PTPRK: variants seen among roughly 807,000 people sequenced by gnomAD.
PTPRK encodes protein tyrosine phosphatase receptor type K.
A neutral mutation model predicts 178.0 loss-of-function variants in PTPRK; 75 were observed. That is an observed-to-expected ratio of 0.42 (90% CI 0.35 to 0.51). PTPRK has a LOEUF of 0.51. PTPRK is among the 20% of genes least tolerant of loss of function. PTPRK has a pLI of 0.02. For synonymous variants in PTPRK, 637 were observed against 620.6 expected (o/e 1.03, Z -0.39); for missense variants, 1,441 against 1,797.8 (o/e 0.80, Z 3.59).
At chr6:128,342,563 C>CAA (rs879599225) in intron 2 of PTPRK, among the ~76,000 whole-genome samples, 2 of 140,310 alleles carry the variant, frequency 1.4e-5, no homozygotes, top group African/African-American at 2.6e-5. Flanking sequence ...ACAGTTATGA[C>CAA]AAAAAAAAAA....
intron 3 of PTPRK, among the ~76,000 whole-genome samples, chr6:128,280,902 C>T (rs1190899964): frequency 6.6e-6 from 1 of 151,908 alleles, no homozygotes; most frequent in Non-Finnish European, 1.5e-5. Flanking sequence ...TATTTTTATA[C>T]TTTTTGTAGC....
chr6:128,248,928 C>T (rs1583691533), intron 3 of PTPRK, among the ~76,000 whole-genome samples: 2 of 152,238 alleles, frequency 1.3e-5, no homozygotes, highest in East Asian at 1.9e-4. Context: ...TGTGTATACA[C>T]ATGAAAGAAG....
At chr6:128,313,867 G>A (rs1827607006) in intron 3 of PTPRK, among the ~76,000 whole-genome samples, 2 of 152,148 alleles carry the variant, frequency 1.3e-5, no homozygotes, top group Admixed American at 1.3e-4. Context: ...TGGGAAGCAC[G>A]TACAAGATGA....
chr6:128,101,519 A>C (rs543812581), intron 7 of PTPRK, among the ~76,000 whole-genome samples: 104 of 152,146 alleles, frequency 6.8e-4, no homozygotes, highest in African/African-American at 2.5e-3. Flanking sequence ...TCTTTCATTC[A>C]GGTCCTAACT....
intron 7 of PTPRK, among the ~76,000 whole-genome samples, chr6:128,135,886 TAG>T (rs1404851361): frequency 5.3e-5 from 8 of 151,830 alleles, no homozygotes; most frequent in African/African-American, 1.9e-4. Context: ...TAGCATCTGG[TAG>T]AGTTTTAAGA....
chr6:128,303,149 A>G (rs1420323415), intron 3 of PTPRK, among the ~76,000 whole-genome samples: 5 of 152,180 alleles, frequency 3.3e-5, no homozygotes, highest in Admixed American at 2.0e-4. Context: ...TCTGAAATCA[A>G]CTGACTTCAC....
At chr6:128,012,308 C>T (rs1233150811) in intron 13 of PTPRK, among the ~76,000 whole-genome samples, 1 of 150,890 alleles carries the variant, frequency 6.6e-6, no homozygotes, top group African/African-American at 2.4e-5. Flanking sequence ...ACATAAATAT[C>T]CTATTTAAAA....
intron 1 of PTPRK, among the ~76,000 whole-genome samples, chr6:128,488,013 G>A (rs900469148): frequency 6.6e-6 from 1 of 152,148 alleles, no homozygotes; most frequent in Non-Finnish European, 1.5e-5. Flanking sequence ...GTCACAAGGT[G>A]AAGTTCCACA....
At chr6:128,482,107 C>T (rs1031542840) in intron 1 of PTPRK, among the ~76,000 whole-genome samples, 1 of 152,094 alleles carries the variant, frequency 6.6e-6, no homozygotes, top group South Asian at 2.1e-4. Flanking sequence ...GTTTTTAGGA[C>T]TTGCCCCTAG....
At chr6:128,452,893 C>T (rs1021356353) in intron 1 of PTPRK, among the ~76,000 whole-genome samples, 1 of 152,098 alleles carries the variant, frequency 6.6e-6, no homozygotes, top group South Asian at 2.1e-4. Context: ...CTTCCTCTGC[C>T]CAGTCAGCAT....
At chr6:128,269,461 C>G (rs1033911179) in intron 3 of PTPRK, among the ~76,000 whole-genome samples, 1 of 150,994 alleles carries the variant, frequency 6.6e-6, no homozygotes, top group African/African-American at 2.4e-5. Context: ...TCAGGTGAAG[C>G]TGGAGAGGCC....
intron 6 of PTPRK, among the ~76,000 whole-genome samples, chr6:128,203,838 G>A (rs572490988): frequency 8.3e-4 from 126 of 152,200 alleles, no homozygotes; most frequent in African/African-American, 2.8e-3. Flanking sequence ...CATGAAAATG[G>A]CCATACTGCC....
chr6:128,501,435 G>GA (rs1855544160), intron 1 of PTPRK, among the ~76,000 whole-genome samples: 1 of 151,258 alleles, frequency 6.6e-6, no homozygotes, highest in African/African-American at 2.4e-5. Context: ...CATTAAAAGG[G>GA]AAAAAATACA....
chr6:128,462,669 A>G (rs1562571177), intron 1 of PTPRK, among the ~76,000 whole-genome samples: 1 of 139,494 alleles, frequency 7.2e-6, no homozygotes, highest in Non-Finnish European at 1.5e-5. Flanking sequence ...TTATTTATTT[A>G]TTTGAGATGG....
intron 1 of PTPRK, among the ~76,000 whole-genome samples, chr6:128,455,508 A>G (rs1331878668): frequency 2.6e-5 from 4 of 152,132 alleles, no homozygotes; most frequent in Non-Finnish European, 4.4e-5. Context: ...AGCATATCCT[A>G]CTTCAGAAAT....
intron 14 of PTPRK, among the ~76,000 whole-genome samples, chr6:128,006,878 T>C (rs375933448): frequency 1.3e-5 from 2 of 150,920 alleles, no homozygotes; most frequent in African/African-American, 4.8e-5. Flanking sequence ...CTTTACTCAA[T>C]TGAATTATAC....
chr6:128,213,343 G>A (rs1310534603), intron 6 of PTPRK, among the ~76,000 whole-genome samples: 1 of 151,954 alleles, frequency 6.6e-6, no homozygotes, highest in Non-Finnish European at 1.5e-5. Context: ...TTTTAAATAT[G>A]AGAGATTTGG....
At chr6:128,141,396 A>G (rs1394552134) in intron 7 of PTPRK, among the ~76,000 whole-genome samples, 1 of 151,890 alleles carries the variant, frequency 6.6e-6, no homozygotes, top group East Asian at 1.9e-4. Flanking sequence ...TTATATCTTT[A>G]CCTTCATAAA....
rs1361781644 is a variant in PTPRK, at chr6:128,108,076, AC to A, written c.1163-18085del. 3.5e-3 allele frequency among the ~76,000 whole-genome samples: 395 copies of A among 112,520 alleles called. 3 individuals carry two copies. Among genetic ancestry groups the A allele is most frequent in the African/African-American group, 0.012 (377 of 31,036 alleles). 73.8% of individuals were successfully genotyped at this position (112,520 alleles called of 152,430 possible). On this transcript the variant is annotated intron_variant, in intron 7 of 29. Coordinates refer to ENST00000368226, the MANE Select transcript of PTPRK (RefSeq NM_002844.4). ...CAAATCCCTAAATAGCAAAACACAC[AC>A]ACACACACACACACACACACACACA...
Sources: allele counts gnomAD v4.1 joint callset (sites outside exome capture counted in the v4.1 genomes callset), GRCh38; gene constraint gnomAD v4.1.1; transcripts MANE v1.5; gene names NCBI Gene and HGNC (gene_info 2026-07-23, HGNC 2026-07-21).